The following CD96 variants were observed in gnomAD, a reference collection of about 807,000 sequenced individuals.
CD96 encodes T-cell surface protein tactile.
A neutral mutation model predicts 71.3 loss-of-function variants in CD96; 70 were observed. That is an observed-to-expected ratio of 0.98 (90% CI 0.81 to 1.20). The LOEUF (loss-of-function observed/expected upper bound fraction) is 1.20, where lower values mean the gene tolerates loss of function less well. Among genes scored for constraint, CD96 ranks in the 50% most tolerant of loss-of-function variants. CD96 has a pLI of 0.00. For synonymous variants in CD96, 248 were observed against 233.0 expected (o/e 1.06, Z -0.59); for missense variants, 742 against 677.5 (o/e 1.10, Z -1.06).
intron 14 of CD96, among the ~76,000 whole-genome samples, chr3:111,664,791 G>A (rs985271996): frequency 6.6e-6 from 1 of 152,138 alleles, no homozygotes; most frequent in Non-Finnish European, 1.5e-5. Flanking sequence ...ACAATTGATT[G>A]CAATACCTAA....
chr3:111,573,352 A>G (rs1189339055), intron 3 of CD96, among the ~76,000 whole-genome samples: 2 of 152,228 alleles, frequency 1.3e-5, no homozygotes, highest in African/African-American at 2.4e-5. Context: ...ACTATATTGG[A>G]CATATTTCCT....
chr3:111,573,498 A>G lies in CD96; in HGVS notation c.544-5529A>G, dbSNP rs1158285020. On this transcript the variant is annotated intron_variant, in intron 3 of 13. Coordinates refer to ENST00000352690, the MANE Select transcript of CD96 (RefSeq NM_005816.5). Reference sequence around the variant, plus strand: ...CTGGATAATTAAATAGTTGGCTAGCAAAAGACAGACATATACTACACCAAG... The same window carrying G: ...CTGGATAATTAAATAGTTGGCTAGCGAAAGACAGACATATACTACACCAAG... Among the ~76,000 whole-genome samples the G allele has an allele frequency of 2.0e-5, 3 of 152,234 alleles. No individual in the cohort carries two copies. In the South Asian group the frequency reaches 6.2e-4, roughly 31 times the overall value.
intron 5 of CD96, among the ~76,000 whole-genome samples, chr3:111,592,121 T>C (rs1439949232): frequency 2.0e-5 from 3 of 152,324 alleles, no homozygotes; most frequent in African/African-American, 7.2e-5. Flanking sequence ...TGTTTTTTAA[T>C]GTGTGTGTTT....
rs1936893166 is a variant in CD96 at position 111,589,829 on chromosome 3, C to T, written c.807+4451C>T. On this transcript the variant is annotated intron_variant, in intron 5 of 13. Coordinates refer to ENST00000352690, the MANE Select transcript of CD96 (RefSeq NM_005816.5). Reference sequence around the variant, plus strand: ...ATGGAAGGATATCATGCTTCAGGGTCAGATAGCACAAGTGTCAAATTCTAA... The same window carrying T: ...ATGGAAGGATATCATGCTTCAGGGTTAGATAGCACAAGTGTCAAATTCTAA... 5.9e-5 allele frequency among the ~76,000 whole-genome samples: 9 copies of T among 152,178 alleles called. 1 individual carries two copies. Among genetic ancestry groups the T allele is most frequent in the Admixed American group, 5.9e-4 (9 of 15,286 alleles).
At position 111,542,199 on chromosome 3, in the gene CD96, T is replaced by C. The variant is rs374015661; in HGVS notation, c.-50T>C. 1.1e-5 allele frequency: 17 copies of C among 1,563,150 alleles called. No individual in the cohort carries two copies. Among genetic ancestry groups the C allele is most frequent in the East Asian group, 2.2e-5 (1 of 44,670 alleles). On this transcript the variant is annotated 5_prime_UTR_variant, in exon 1 of 14. Coordinates refer to ENST00000352690, the MANE Select transcript of CD96 (RefSeq NM_005816.5). ...GCTGGAGTTTGCTTGAAAACATCAA[T>C]TGACTTTGTGATCATTACAGAAATG...
At chr3:111,649,154 C>G (rs140039620) in intron 13 of CD96, among the ~76,000 whole-genome samples, 56 of 152,258 alleles carry the variant, frequency 3.7e-4, no homozygotes, top group African/African-American at 1.3e-3. Flanking sequence ...GTCTTAAATC[C>G]TAGGATTTTA....
chr3:111,545,219 T>C lies in CD96; in HGVS notation c.235T>C (p.Cys79Arg). 1 of 1,614,238 alleles carries C rather than the reference T, an allele frequency of 6.2e-7. No individual in the cohort carries two copies. The highest frequency in any genetic ancestry group is 1.1e-5 in the South Asian group (1 of 91,092). The change falls in exon 2 of 14, where the codon TGT becomes CGT. Residue 79 changes from cysteine (C) to arginine (R), a missense_variant. Coordinates refer to ENST00000352690, the MANE Select transcript of CD96 (RefSeq NM_005816.5). ...CTATCATCCCCAATACGGCTTCTAC[T>C]GTGCCTATGGGAGACCCTGTGAGTC... ...AVYHPQYGFY[C>R]AYGRPCESLV... is the part of the protein sequence containing the mutation.
At chr3:111,604,051 A>G (rs1937558653) in intron 7 of CD96, among the ~76,000 whole-genome samples, 1 of 152,196 alleles carries the variant, frequency 6.6e-6, no homozygotes, top group South Asian at 2.1e-4. Flanking sequence ...AAGACCCTCA[A>G]AGAAACATAT....
At chr3:111,544,364 G>A (rs1934271979) in intron 1 of CD96, among the ~76,000 whole-genome samples, 1 of 151,956 alleles carries the variant, frequency 6.6e-6, no homozygotes. Context: ...AGGATGGTCT[G>A]GTTCTCTTGA....
At chr3:111,647,507 G>T (rs1270273233) in intron 12 of CD96, 36 bp from the exon 13 acceptor site, 31 of 1,603,592 alleles carry the variant, frequency 1.9e-5, no homozygotes, top group Non-Finnish European at 2.6e-5. Flanking sequence ...GCCAAAGTTT[G>T]GGATTAAAGT....
chr3:111,559,222 A>G (rs1935253590), intron 2 of CD96, among the ~76,000 whole-genome samples: 1 of 142,250 alleles, frequency 7.0e-6, no homozygotes, highest in Non-Finnish European at 1.5e-5. Flanking sequence ...TTCTGCTCTG[A>G]TTTTAGTTAT....
chr3:111,646,438 G>A (rs577193911), intron 12 of CD96, among the ~76,000 whole-genome samples: 3 of 151,414 alleles, frequency 2.0e-5, no homozygotes, highest in Non-Finnish European at 4.4e-5. Flanking sequence ...TACCTTCTTA[G>A]GATACTTTAA....
At position 111,618,319 on chromosome 3, in the gene CD96, C is replaced by G. The variant is rs9862799; in HGVS notation, c.1181-5435C>G. Among the ~76,000 whole-genome samples, 366 of 152,290 alleles carry G rather than the reference C, an allele frequency of 2.4e-3. 1 individual carries two copies. The highest frequency in any genetic ancestry group is 8.3e-3 in the African/African-American group (344 of 41,558). On this transcript the variant is annotated intron_variant, in intron 8 of 13. Coordinates refer to ENST00000352690, the MANE Select transcript of CD96 (RefSeq NM_005816.5). ...GCTGGCAAAGCAAGACCTCAAGGATCCCGTGACAATTTCACCTCTGTAGTA... is the reference window on the plus strand; with the variant it reads ...GCTGGCAAAGCAAGACCTCAAGGATGCCGTGACAATTTCACCTCTGTAGTA...
In CD96 at chr3:111,606,588, G is replaced by A. The variant is rs552499389; in HGVS notation, c.1088-112G>A. The A allele has an allele frequency of 2.3e-5, 16 of 708,306 alleles. No homozygotes were observed. In the South Asian group the frequency reaches 2.3e-4, roughly 10 times the overall value. The allele number at this position is 708,306 out of a possible 1,614,324, so 43.9% of individuals were successfully genotyped here. On this transcript the variant is annotated intron_variant, in intron 7 of 13. Transcript: ENST00000352690. ...TTGACCTTAATAGGGCCCCAATATT[G>A]ATTTGTTACATGATGAATAAATAAA...
At chr3:111,648,916 T>A (rs1014257946) in intron 13 of CD96, among the ~76,000 whole-genome samples, 4 of 152,216 alleles carry the variant, frequency 2.6e-5, no homozygotes, top group Non-Finnish European at 5.9e-5. Flanking sequence ...CTTTAATGCA[T>A]TTCGGAAAAA....
chr3:111,582,966 T>G (rs4682051), intron 4 of CD96, among the ~76,000 whole-genome samples: 1 of 152,062 alleles, frequency 6.6e-6, no homozygotes, highest in African/African-American at 2.4e-5. Context: ...CAGTCCCCCA[T>G]ATTCTCAACC....
intron 6 of CD96, 35 bp from the exon 7 acceptor site, chr3:111,600,691 G>A: frequency 6.9e-7 from 1 of 1,441,474 alleles, no homozygotes; most frequent in Non-Finnish European, 9.8e-7. Context: ...TACATAAAAT[G>A]TTAGTGTTGA....
intron 5 of CD96, among the ~76,000 whole-genome samples, chr3:111,596,052 C>G (rs1559745377): frequency 6.6e-6 from 1 of 152,008 alleles, no homozygotes; most frequent in Admixed American, 6.6e-5. Flanking sequence ...ATCCCAGCTA[C>G]TTGGGAGGCT....
At position 111,650,116 on chromosome 3, in the gene CD96, C is replaced by G; in HGVS notation, c.*310C>G. 5.5e-6 allele frequency: 2 copies of G among 362,088 alleles called. No individual in the cohort carries two copies. Among genetic ancestry groups the G allele is most frequent in the South Asian group, 4.8e-5 (2 of 41,580 alleles). The allele number at this position is 362,088 out of a possible 1,614,324, so 22.4% of individuals were successfully genotyped here. On this transcript the variant is annotated 3_prime_UTR_variant, in exon 14 of 14. Coordinates refer to ENST00000352690, the MANE Select transcript of CD96 (RefSeq NM_005816.5). ...AATACAGTATTTTCATTTAAATTCTCTGATGGAGGGACAACAATGGTTTCA... is the reference window on the plus strand; with the variant it reads ...AATACAGTATTTTCATTTAAATTCTGTGATGGAGGGACAACAATGGTTTCA...
Sources: allele counts gnomAD v4.1 joint callset (sites outside exome capture counted in the v4.1 genomes callset), GRCh38; gene constraint gnomAD v4.1.1; transcripts MANE v1.5; gene names NCBI Gene and HGNC (gene_info 2026-07-23, HGNC 2026-07-21).